SLC8A1: variants seen among roughly 807,000 people sequenced by gnomAD.
The protein encoded by SLC8A1 is solute carrier family 8 member A1, also known as sodium/calcium exchanger 1.
Under a neutral mutation model 68.3 loss-of-function variants are expected in SLC8A1, and 18 were observed. That is an observed-to-expected ratio of 0.26 (90% CI 0.18 to 0.39). SLC8A1 has a LOEUF of 0.39. SLC8A1 is among the 10% of genes least tolerant of loss of function. SLC8A1 has a pLI of 1.00. For missense variants in SLC8A1, 985 were observed against 1,156.7 expected (o/e 0.85, Z 2.15); for synonymous variants, 475 against 415.5 (o/e 1.14, Z -1.74).
chr2:40,356,228 C>G (rs139738578), intron 2 of SLC8A1, among the ~76,000 whole-genome samples: 10 of 152,230 alleles, frequency 6.6e-5, no homozygotes, highest in South Asian at 2.1e-4. Context: ...TTGAGGGTAT[C>G]TCTGCTCCTT....
chr2:40,452,800 GTC>G (rs1017623389), upstream of SLC8A1, among the ~76,000 whole-genome samples: 4 of 151,254 alleles, frequency 2.6e-5, no homozygotes, highest in African/African-American at 9.7e-5. Flanking sequence ...CTGGGACAGA[GTC>G]TCTGTGTTGG....
chr2:40,238,595 G>C (rs556001700), intron 2 of SLC8A1, among the ~76,000 whole-genome samples: 51 of 152,324 alleles, frequency 3.3e-4, no homozygotes, highest in Middle Eastern at 3.4e-3. Flanking sequence ...GCTGTAGACC[G>C]GAGCTGTTCC....
chr2:40,325,099 A>T (rs1460330199), intron 2 of SLC8A1, among the ~76,000 whole-genome samples: 1 of 152,026 alleles, frequency 6.6e-6, no homozygotes, highest in Non-Finnish European at 1.5e-5. Context: ...CTCCCCACAG[A>T]CAGAGTCTGT....
chr2:40,377,842 G>T (rs930268219), intron 2 of SLC8A1, among the ~76,000 whole-genome samples: 14 of 152,086 alleles, frequency 9.2e-5, no homozygotes, highest in African/African-American at 3.1e-4. Context: ...GCTTCCTCAA[G>T]GCCATTCAGT....
chr2:40,192,909 C>T (rs543971248), intron 2 of SLC8A1, among the ~76,000 whole-genome samples: 2 of 152,110 alleles, frequency 1.3e-5, no homozygotes, highest in Non-Finnish European at 2.9e-5. Context: ...GGTCTTCAGA[C>T]CCCCTAAGAA....
At chr2:40,439,938 C>A (rs907349904) in intron 1 of SLC8A1, among the ~76,000 whole-genome samples, 1 of 152,094 alleles carries the variant, frequency 6.6e-6, no homozygotes, top group African/African-American at 2.4e-5. Context: ...AGTTCTAACA[C>A]CAAGTGTCTA....
At chr2:40,426,160 G>A (rs13028434) in intron 2 of SLC8A1, among the ~76,000 whole-genome samples, 15 of 151,980 alleles carry the variant, frequency 9.9e-5, no homozygotes, top group Admixed American at 8.5e-4. Flanking sequence ...CTAGAAAAAA[G>A]AAAAATGTAG....
chr2:40,431,354 G>A (rs1008490538), intron 1 of SLC8A1, among the ~76,000 whole-genome samples: 1 of 152,000 alleles, frequency 6.6e-6, no homozygotes, highest in Non-Finnish European at 1.5e-5. Flanking sequence ...ATTTAAATTA[G>A]CTCATGTGGC....
chr2:40,205,777 C>A (rs1835037), intron 2 of SLC8A1, among the ~76,000 whole-genome samples: 3 of 147,934 alleles, frequency 2.0e-5, no homozygotes, highest in Non-Finnish European at 3.0e-5. Flanking sequence ...AGCAAACCTG[C>A]GCTTGTACAT....
At chr2:40,491,328 T>C (rs2149924131) in intron 1 of SLC8A1, among the ~76,000 whole-genome samples, 1 of 152,308 alleles carries the variant, frequency 6.6e-6, no homozygotes, top group South Asian at 2.1e-4. Flanking sequence ...TTTTGTACAT[T>C]GATTTTGTAT....
chr2:40,174,627 G>T, intron 4 of SLC8A1, 79 bp downstream of exon 6: 1 of 1,274,892 alleles, frequency 7.8e-7, no homozygotes, highest in Non-Finnish European at 1.1e-6. Context: ...ATTAATGCAA[G>T]TTACATAAGA....
At chr2:40,448,207 G>T (rs1448933073) in intron 1 of SLC8A1, among the ~76,000 whole-genome samples, 2 of 152,122 alleles carry the variant, frequency 1.3e-5, no homozygotes, top group Non-Finnish European at 2.9e-5. Context: ...TATATATTGT[G>T]TAAAACGTAT....
chr2:40,472,000 AG>A (rs1359777452), intron 1 of SLC8A1, among the ~76,000 whole-genome samples: 9 of 152,100 alleles, frequency 5.9e-5, no homozygotes, highest in African/African-American at 2.2e-4. Context: ...AAAGGAGGAG[AG>A]GAGGAGACTG....
At chr2:40,230,758 C>T (rs1485227270) in intron 2 of SLC8A1, among the ~76,000 whole-genome samples, 1 of 152,044 alleles carries the variant, frequency 6.6e-6, no homozygotes, top group East Asian at 1.9e-4. Context: ...CTTACAAGAA[C>T]AAAAAATAAA....
At chr2:40,481,365 C>T (rs530817613) in intron 1 of SLC8A1, among the ~76,000 whole-genome samples, 2 of 152,330 alleles carry the variant, frequency 1.3e-5, no homozygotes, top group Admixed American at 6.5e-5. Context: ...ACATTGAATT[C>T]AGCCATACCT....
chr2:40,194,911 C>G (rs546118626), intron 2 of SLC8A1, among the ~76,000 whole-genome samples: 2 of 152,140 alleles, frequency 1.3e-5, no homozygotes, highest in East Asian at 3.9e-4. Context: ...TCCGAAGAAA[C>G]AAAACACAGA....
intron 2 of SLC8A1, among the ~76,000 whole-genome samples, chr2:40,332,915 C>T (rs1014307447): frequency 9.2e-5 from 14 of 152,168 alleles, no homozygotes; most frequent in Admixed American, 9.2e-4. Flanking sequence ...CCCTCTGGAC[C>T]TCCTAAGGTT....
At chr2:40,468,629 CT>C (rs1484953550) in intron 1 of SLC8A1, among the ~76,000 whole-genome samples, 1 of 151,854 alleles carries the variant, frequency 6.6e-6, no homozygotes, top group African/African-American at 2.4e-5. Context: ...TTTTTTCCTC[CT>C]TTTTTATCAT....
chr2:40,310,829 C>G (rs1008054769), intron 2 of SLC8A1, among the ~76,000 whole-genome samples: 13 of 151,998 alleles, frequency 8.6e-5, no homozygotes, highest in African/African-American at 3.1e-4. Context: ...ATGTTAGTGC[C>G]AAAATGCAGT....
Sources: allele counts gnomAD v4.1 joint callset (sites outside exome capture counted in the v4.1 genomes callset), GRCh38; gene constraint gnomAD v4.1.1; transcripts MANE v1.5; gene names NCBI Gene and HGNC (gene_info 2026-07-23, HGNC 2026-07-21).